UBE2O: variants seen among roughly 807,000 people sequenced by gnomAD.
UBE2O encodes the protein (E3-independent) E2 ubiquitin-conjugating enzyme.
In UBE2O, 15 loss-of-function variants were observed where a neutral mutation model predicts 125.8. The observed-to-expected ratio is 0.12, with a 90% confidence interval of 0.08 to 0.18. The LOEUF is 0.18. Ranked by LOEUF, UBE2O falls within the 10% of genes least tolerant of loss-of-function variation. The probability of loss-of-function intolerance (pLI) is 1.00; values close to 1 mark genes in which losing one functional copy is unlikely to be tolerated. For missense variants in UBE2O, 1,280 were observed against 1,723.6 expected (o/e 0.74, Z 4.56); for synonymous variants, 708 against 703.2 (o/e 1.01, Z -0.11).
Position 76,404,102 on chromosome 17 carries a change from C to T in UBE2O, c.588+1104G>A, listed in dbSNP as rs1443220015. Among the ~76,000 whole-genome samples, 1 of 152,226 alleles carries T rather than the reference C, an allele frequency of 6.6e-6. No individual in the cohort carries two copies. Among genetic ancestry groups the T allele is most frequent in the East Asian group, 1.9e-4 (1 of 5,206 alleles). ...GGGAACAAGGGAGTCATAGAACCAC[C>T]ATTTAGCAACATCAGAGCAATGGCT... is the stretch of plus-strand genomic sequence containing the variant. On this transcript the variant is annotated intron_variant, in intron 3 of 17. Coordinates refer to ENST00000319380, the MANE Select transcript of UBE2O (RefSeq NM_022066.4). The surrounding 1 kb of genome is among the most constrained non-coding windows in gnomAD (Gnocchi z 4.3).
chr17:76,413,770 C>A (rs2072555094), intron 1 of UBE2O, among the ~76,000 whole-genome samples: 1 of 152,054 alleles, frequency 6.6e-6, no homozygotes, highest in African/African-American at 2.4e-5. Flanking sequence ...ACATGCAAAC[C>A]AACACAAAAC....
intron 1 of UBE2O, among the ~76,000 whole-genome samples, chr17:76,428,257 A>G (rs1304506664): frequency 6.6e-6 from 1 of 152,188 alleles, no homozygotes; most frequent in Non-Finnish European, 1.5e-5. Flanking sequence ...GGAATCACAC[A>G]ATGTGCCACA....
chr17:76,444,493 C>G (rs147941270), intron 1 of UBE2O, among the ~76,000 whole-genome samples: 1 of 152,176 alleles, frequency 6.6e-6, no homozygotes, highest in Non-Finnish European at 1.5e-5. Context: ...GGTGTGATCA[C>G]GCCACTGCAT....
In UBE2O at chr17:76,452,718, G is replaced by A; in HGVS notation, c.417+7C>T. ...CGCCCGCGCCGCCCAGCCCCCGCCCGCCGCACCTTGGTCTCCTTCACATGC... is the reference window on the plus strand; with the variant it reads ...CGCCCGCGCCGCCCAGCCCCCGCCCACCGCACCTTGGTCTCCTTCACATGC... On this transcript the variant is annotated splice_region_variant and intron_variant, in intron 1 of 17. Coordinates refer to ENST00000319380, the MANE Select transcript of UBE2O (RefSeq NM_022066.4). This position sits in a 1 kb window ranked among gnomAD's most constrained non-coding sequence, Gnocchi z 4.4. 2.1e-6 allele frequency: 3 copies of A among 1,404,328 alleles called. No homozygotes were observed. The highest frequency in any genetic ancestry group is 3.3e-5 in the Admixed American group (1 of 30,228). The allele number at this position is 1,404,328 out of a possible 1,614,324, so 87.0% of individuals were successfully genotyped here. A position where few individuals can be genotyped will look rare whatever the true frequency, so the allele number is the denominator to read the frequency against.
rs767781518 is a variant in UBE2O at position 76,402,131 on chromosome 17, A to C, written c.687-4T>G. On this transcript the variant is annotated splice_polypyrimidine_tract_variant and splice_region_variant and intron_variant, in intron 4 of 17. Coordinates refer to ENST00000319380, the MANE Select transcript of UBE2O (RefSeq NM_022066.4). The surrounding 1 kb of genome is among the most constrained non-coding windows in gnomAD (Gnocchi z 5.4). ...ATCTTCCGTGTTCATGGAGCACCTA[A>C]AACAGAGAACAGAGGTTTGGTCTCC... 1.2e-6 allele frequency: 2 copies of C among 1,613,442 alleles called. No homozygotes were observed.
Position 76,453,039 on chromosome 17 carries a change from C to A in UBE2O, c.103G>T (p.Ala35Ser). 1.4e-6 allele frequency: 2 copies of A among 1,423,098 alleles called. No individual in the cohort carries two copies. The highest frequency in any genetic ancestry group is 1.8e-6 in the Non-Finnish European group (2 of 1,087,666). 88.2% of individuals were successfully genotyped at this position (1,423,098 alleles called of 1,614,324 possible). A position where few individuals can be genotyped will look rare whatever the true frequency, so the allele number is the denominator to read the frequency against. ...VPAPAAAPVP[A>S]PAPASDSASG... ...GCCGAGTCCGAGGCGGGCGCCGGCG[C>A]CGGGACGGGGGCTGCGGCTGGGGCC... Residue 35 changes from alanine (A) to serine (S), a missense_variant, in exon 1 of 18, where the codon GCG (alanine) becomes TCG (serine). This residue lies in a region of UBE2O where 188 missense variants were observed against 192.5 expected (regional missense o/e 0.98). Transcript: ENST00000319380.
chr17:76,396,709 G>A lies in UBE2O; in HGVS notation c.2228C>T (p.Thr743Met). 6.2e-7 allele frequency: 1 copy of A among 1,613,948 alleles called. No individual in the cohort carries two copies. Among genetic ancestry groups the A allele is most frequent in the Non-Finnish European group, 8.5e-7 (1 of 1,180,000 alleles). ...CTCGTCCTCCACCAGCCCATTGTCC[G>A]TCTCCCAGCTGTCACTATCATCTTC... ...EWEDDSDSWETDNGLVEDEHP... is the reference protein window; with the variant it reads ...EWEDDSDSWEMDNGLVEDEHP... The change falls in exon 14 of 18, where the codon ACG becomes ATG. Residue 743 changes from threonine to methionine, a missense_variant. By Grantham distance (81) the Thr-to-Met change is moderately conservative (BLOSUM62 -1). Transcript: ENST00000319380. The surrounding 1 kb of genome is among the most constrained non-coding windows in gnomAD (Gnocchi z 6.7).
Position 76,452,830 on chromosome 17 carries a change from G to A in UBE2O, c.312C>T (p.Ala104=). ...EGRGSSGCSE[A]GGAGHEEGRA... The stretch of plus-strand genomic sequence containing the variant: ...GGCCCTCCTCGTGGCCCGCGCCCCC[G>A]GCCTCGGAGCACCCCGAGCTCCCGC... The change falls in exon 1 of 18, where the codon GCC becomes GCT. Residue 104 remains alanine (A), a synonymous_variant. Coordinates refer to ENST00000319380, the MANE Select transcript of UBE2O (RefSeq NM_022066.4). The surrounding 1 kb of genome is among the most constrained non-coding windows in gnomAD (Gnocchi z 4.4). The A allele has an allele frequency of 2.0e-6, 3 of 1,504,358 alleles. No homozygotes were observed. Among genetic ancestry groups the A allele is most frequent in the Non-Finnish European group, 2.7e-6 (3 of 1,127,570 alleles). 93.2% of individuals were successfully genotyped at this position (1,504,358 alleles called of 1,614,324 possible). A position where few individuals can be genotyped will look rare whatever the true frequency, so the allele number is the denominator to read the frequency against.
chr17:76,400,287 G>A lies in UBE2O; in HGVS notation c.1015C>T (p.Leu339Phe), dbSNP rs2072295364. 6.2e-7 allele frequency: 1 copy of A among 1,613,816 alleles called. No homozygotes were observed. Among genetic ancestry groups the A allele is most frequent in the Non-Finnish European group, 8.5e-7 (1 of 1,179,912 alleles). The stretch of plus-strand genomic sequence containing the variant: ...CGCTGAGCATGGTCAAAGCATCCGA[G>A]ACGCTTCACCCTGGTTGGGGAAGAA... ...TQENLGRVKRLGCFDHAQRQL... is the reference protein window; with the variant it reads ...TQENLGRVKRFGCFDHAQRQL... Residue 339 changes from leucine (L) to phenylalanine (F), a missense_variant, in exon 8 of 18, where the codon CTC (leucine) becomes TTC (phenylalanine). Transcript: ENST00000319380. This position sits in a 1 kb window ranked among gnomAD's most constrained non-coding sequence, Gnocchi z 4.3.
At chr17:76,430,257 TG>T (rs1396028508) in intron 1 of UBE2O, among the ~76,000 whole-genome samples, 42 of 152,354 alleles carry the variant, frequency 2.8e-4, no homozygotes, top group African/African-American at 9.9e-4. Context: ...ATTATTTTGC[TG>T]TTATTTTAGC....
chr17:76,447,711 T>C (rs2073172922), intron 1 of UBE2O, among the ~76,000 whole-genome samples: 1 of 152,108 alleles, frequency 6.6e-6, no homozygotes, highest in South Asian at 2.1e-4. Flanking sequence ...CTATAATCCA[T>C]CTGGTCACTA....
intron 5 of UBE2O, 32 bp from the exon 6 acceptor site, chr17:76,401,186 G>C: frequency 4.3e-6 from 7 of 1,609,590 alleles, no homozygotes; most frequent in Non-Finnish European, 5.9e-6. Flanking sequence ...GAAAGTCCCC[G>C]TGAGCGGTGT....
intron 1 of UBE2O, among the ~76,000 whole-genome samples, chr17:76,414,729 T>C (rs576135579): frequency 6.6e-6 from 1 of 152,334 alleles, no homozygotes; most frequent in Non-Finnish European, 1.5e-5. Context: ...GGGGAAGGAC[T>C]GCAGAGCTTG....
chr17:76,409,864 G>A (rs2072487759), intron 1 of UBE2O, among the ~76,000 whole-genome samples: 1 of 152,210 alleles, frequency 6.6e-6, no homozygotes. Context: ...CAGGGGGGAT[G>A]CAGACAGACA....
At position 76,400,561 on chromosome 17, in the gene UBE2O, C is replaced by T. The variant is rs372466589; in HGVS notation, c.895-11G>A. 9.4e-6 allele frequency: 15 copies of T among 1,592,720 alleles called. No individual in the cohort carries two copies. The highest frequency in any genetic ancestry group is 1.3e-5 in the Non-Finnish European group (15 of 1,165,364). ...CTCTACAACCTGCACCTGGGGATGG[C>T]AGGTGGGACACGCCAGTCAGGGCAG... On this transcript the variant is annotated splice_polypyrimidine_tract_variant and intron_variant, in intron 6 of 17. Coordinates refer to ENST00000319380, the MANE Select transcript of UBE2O (RefSeq NM_022066.4). This position sits in a 1 kb window ranked among gnomAD's most constrained non-coding sequence, Gnocchi z 4.3.
At chr17:76,408,252 T>C (rs1404318598) in intron 1 of UBE2O, among the ~76,000 whole-genome samples, 3 of 152,238 alleles carry the variant, frequency 2.0e-5, no homozygotes, top group South Asian at 2.1e-4. Flanking sequence ...TCCTGGCGAA[T>C]GCAAGAGCTC....
At chr17:76,412,973 A>G (rs1246081214) in intron 1 of UBE2O, among the ~76,000 whole-genome samples, 2 of 152,060 alleles carry the variant, frequency 1.3e-5, no homozygotes, top group African/African-American at 4.8e-5. Flanking sequence ...GCGCCATTGC[A>G]CTCCAGCCTA....
intron 1 of UBE2O, among the ~76,000 whole-genome samples, chr17:76,443,312 A>G (rs2073103797): frequency 6.6e-6 from 1 of 152,128 alleles, no homozygotes; most frequent in African/African-American, 2.4e-5. Flanking sequence ...TCCTCGAGAA[A>G]GAGTCTCACT....
rs763229276 is a variant in UBE2O at position 76,398,556 on chromosome 17, G to A, written c.1812C>T (p.Tyr604=). 11 of 1,613,950 alleles carry A rather than the reference G, an allele frequency of 6.8e-6. No homozygotes were observed. The highest frequency in any genetic ancestry group is 1.7e-5 in the Admixed American group (1 of 59,992). The change falls in exon 11 of 18, where the codon TAC becomes TAT. Residue 604 remains tyrosine, a synonymous_variant. Coordinates refer to ENST00000319380, the MANE Select transcript of UBE2O (RefSeq NM_022066.4). The surrounding 1 kb of genome is among the most constrained non-coding windows in gnomAD (Gnocchi z 5.4). The part of the protein sequence containing the change: ...RVQSCPDPAV[Y]GVVQSGDHIG... ...TGTGGTCCCCAGACTGTACCACACC[G>A]TAGACAGCAGGGTCTGGACAGCTCT... is the stretch of plus-strand genomic sequence containing the variant.
Sources: allele counts gnomAD v4.1 joint callset (sites outside exome capture counted in the v4.1 genomes callset), GRCh38; gene constraint gnomAD v4.1.1; regional missense constraint gnomAD v4.1.1; non-coding constraint Gnocchi (gnomAD v3.1); transcripts MANE v1.5; gene names NCBI Gene and HGNC (gene_info 2026-07-23, HGNC 2026-07-21).